PLCL2: variants seen among roughly 807,000 people sequenced by gnomAD.
The protein encoded by PLCL2 is phospholipase C like 2, also known as inactive phospholipase C-like protein 2.
Under a neutral mutation model 79.6 loss-of-function variants are expected in PLCL2, and 4 were observed. The observed-to-expected ratio is 0.05, with a 90% confidence interval of 0.02 to 0.11. The LOEUF (loss-of-function observed/expected upper bound fraction) is 0.11, where lower values mean the gene tolerates loss of function less well. Among genes scored for constraint, PLCL2 ranks in the 10% least tolerant of loss-of-function variants. The pLI is 1.00. For synonymous variants in PLCL2, 484 were observed against 457.7 expected (o/e 1.06, Z -0.73); for missense variants, 895 against 1,291.0 (o/e 0.69, Z 4.70).
chr3:16,957,322 C>G (rs1409453060), intron 1 of PLCL2, among the ~76,000 whole-genome samples: 2 of 152,136 alleles, frequency 1.3e-5, no homozygotes, highest in African/African-American at 4.8e-5. Context: ...GTTCAGTTTC[C>G]ATGTAGTTGA....
chr3:16,999,084 G>A (rs1306840561), intron 1 of PLCL2, among the ~76,000 whole-genome samples: 1 of 152,146 alleles, frequency 6.6e-6, no homozygotes, highest in African/African-American at 2.4e-5. Context: ...GTACTCTTAT[G>A]TGAATACTTA....
At chr3:16,894,667 C>T (rs1217587322) in intron 1 of PLCL2, among the ~76,000 whole-genome samples, 1 of 152,152 alleles carries the variant, frequency 6.6e-6, no homozygotes, top group Non-Finnish European at 1.5e-5. Flanking sequence ...TGGTACTTCA[C>T]TGTGGCTTTT....
In PLCL2 at chr3:17,018,009, T is replaced by C. The variant is rs188581931; in HGVS notation, c.3018+3098T>C. On this transcript the variant is annotated intron_variant, in intron 3 of 5. Transcript: ENST00000615277. Reference sequence around the variant, plus strand: ...CCTGTGGTGGGGTGAGCCTGGGACCTAGCTCAAGAAGACAGGTATCAGAGC... The same window carrying C: ...CCTGTGGTGGGGTGAGCCTGGGACCCAGCTCAAGAAGACAGGTATCAGAGC... Among the ~76,000 whole-genome samples, 5 of 152,232 alleles carry C rather than the reference T, an allele frequency of 3.3e-5. No homozygotes were observed. The East Asian group carries it at 9.6e-4, about 29-fold the overall frequency.
chr3:16,888,114 TAAATC>T (rs1696266982), intron 1 of PLCL2, among the ~76,000 whole-genome samples: 1 of 152,178 alleles, frequency 6.6e-6, no homozygotes. Context: ...TGGAGATCCT[TAAATC>T]AGAGGGAGAA....
At chr3:17,071,298 A>G (rs1365029514) in intron 5 of PLCL2, among the ~76,000 whole-genome samples, 2 of 152,146 alleles carry the variant, frequency 1.3e-5, no homozygotes, top group African/African-American at 4.8e-5. Flanking sequence ...GTTTTTATGA[A>G]TCTTTACTTG....
intron 1 of PLCL2, among the ~76,000 whole-genome samples, chr3:16,928,779 C>T (rs1697317821): frequency 6.6e-6 from 1 of 152,170 alleles, no homozygotes; most frequent in African/African-American, 2.4e-5. Flanking sequence ...TATGGAGTAC[C>T]ATGCTTGGCA....
At chr3:17,088,749 C>T (rs2065245315) in intron 5 of PLCL2, among the ~76,000 whole-genome samples, 1 of 152,112 alleles carries the variant, frequency 6.6e-6, no homozygotes, top group Admixed American at 6.5e-5. Flanking sequence ...CACAAGACAG[C>T]TCCCCACCTC....
intron 1 of PLCL2, among the ~76,000 whole-genome samples, chr3:16,971,845 C>T (rs2063871889): frequency 1.3e-5 from 2 of 152,112 alleles, no homozygotes; most frequent in African/African-American, 4.8e-5. Context: ...ATTTGGCTCT[C>T]TGTTTGTCTG....
chr3:16,959,878 G>A (rs1439845908), intron 1 of PLCL2, among the ~76,000 whole-genome samples: 3 of 152,144 alleles, frequency 2.0e-5, no homozygotes, highest in Non-Finnish European at 2.9e-5. Context: ...GGCCGAGGCA[G>A]GCGGATCACG....
At chr3:17,052,199 C>G (rs1202583447) in intron 4 of PLCL2, among the ~76,000 whole-genome samples, 2 of 136,588 alleles carry the variant, frequency 1.5e-5, no homozygotes, top group Non-Finnish European at 3.0e-5. Flanking sequence ...TATAACAGAG[C>G]TGCTGAAAGA....
chr3:16,894,303 A>C (rs1696419233), intron 1 of PLCL2, among the ~76,000 whole-genome samples: 1 of 152,210 alleles, frequency 6.6e-6, no homozygotes, highest in Admixed American at 6.5e-5. Flanking sequence ...GAAGCTAATA[A>C]AATTCCTATT....
At chr3:17,027,137 T>C (rs1480859828) in intron 3 of PLCL2, among the ~76,000 whole-genome samples, 1 of 152,178 alleles carries the variant, frequency 6.6e-6, no homozygotes, top group African/African-American at 2.4e-5. Context: ...TTTCATGTTC[T>C]TTCCTAAAAA....
chr3:16,977,079 G>GCA (rs1318702078), intron 1 of PLCL2, among the ~76,000 whole-genome samples: 1 of 151,742 alleles, frequency 6.6e-6, no homozygotes, highest in African/African-American at 2.4e-5. Flanking sequence ...TTCACACAAG[G>GCA]CATTGTGATA....
chr3:17,082,312 T>C (rs1029530475), intron 5 of PLCL2, among the ~76,000 whole-genome samples: 1 of 151,660 alleles, frequency 6.6e-6, no homozygotes, highest in Non-Finnish European at 1.5e-5. Flanking sequence ...CCAGCTAATT[T>C]TTTTTTTTTG....
At chr3:17,008,035 G>A (rs1378767045) in intron 1 of PLCL2, among the ~76,000 whole-genome samples, 2 of 152,174 alleles carry the variant, frequency 1.3e-5, no homozygotes, top group Non-Finnish European at 2.9e-5. Context: ...GTGGATGTCA[G>A]CCCCTTAAGA....
intron 1 of PLCL2, among the ~76,000 whole-genome samples, chr3:16,898,925 G>A (rs1031416962): frequency 2.0e-5 from 3 of 152,262 alleles, no homozygotes; most frequent in Admixed American, 1.3e-4. Flanking sequence ...AGGGGTTGGA[G>A]GGTGGAGGGG....
chr3:17,066,052 A>G (rs2065008585), intron 4 of PLCL2, among the ~76,000 whole-genome samples: 1 of 152,138 alleles, frequency 6.6e-6, no homozygotes, highest in Admixed American at 6.5e-5. Flanking sequence ...ATCATTAGGA[A>G]CCCAACGGGT....
rs201182327 is a variant in PLCL2, at chr3:16,935,586, A to AT, written c.327+50229dup. Among the ~76,000 whole-genome samples the AT allele has an allele frequency of 9.2e-3, 1,390 of 151,654 alleles. 14 individuals carry two copies. The highest frequency in any genetic ancestry group is 0.014 in the Admixed American group (219 of 15,232). On this transcript the variant is annotated intron_variant, in intron 1 of 5. Transcript: ENST00000615277. ...CTATCTCTTTTTGATCGGAATAATA[A>AT]TTTTTTTTTCTGAACCAAAAATCGG...
At chr3:16,978,003 A>G (rs1269133643) in intron 1 of PLCL2, among the ~76,000 whole-genome samples, 2 of 152,058 alleles carry the variant, frequency 1.3e-5, no homozygotes, top group East Asian at 3.9e-4. Context: ...TGACCTAATC[A>G]CCTCCTATAG....
Sources: allele counts gnomAD v4.1 joint callset (sites outside exome capture counted in the v4.1 genomes callset), GRCh38; gene constraint gnomAD v4.1.1; transcripts MANE v1.5; gene names NCBI Gene and HGNC (gene_info 2026-07-23, HGNC 2026-07-21).